The following ZEB2 variants were observed in gnomAD, a reference collection of about 807,000 sequenced individuals.
ZEB2 encodes the protein zinc finger E-box-binding homeobox 2.
Under a neutral mutation model 99.9 loss-of-function variants are expected in ZEB2, and 6 were observed. The ratio of observed to expected loss-of-function variants is 0.06; its 90% CI spans 0.03 to 0.12. The LOEUF (loss-of-function observed/expected upper bound fraction) is 0.12. ZEB2 is among the 10% of genes least tolerant of loss of function. The pLI is 1.00. For missense variants in ZEB2, 969 were observed against 1,502.8 expected, an observed-to-expected ratio of 0.64 and a Z score of 5.87; for synonymous variants, 517 against 542.5, an observed-to-expected ratio of 0.95 and a Z score of 0.65.
chr2:144,405,889 T>C (rs1703379787), intron 4 of ZEB2, among the ~76,000 whole-genome samples: 1 of 152,226 alleles, frequency 6.6e-6, no homozygotes, highest in Non-Finnish European at 1.5e-5. Flanking sequence ...GATGTGTTTC[T>C]GAAATAAGAT....
chr2:144,517,939 G>C (rs1254930860), intron 1 of ZEB2: 3 of 338,628 alleles, frequency 8.9e-6, no homozygotes, highest in Admixed American at 4.3e-5. Flanking sequence ...AAGCCCACTC[G>C]CCCAGCGCCC....
chr2:144,504,287 T>C (rs1704922453), intron 2 of ZEB2: 1 of 152,196 alleles, frequency 6.6e-6, no homozygotes, highest in Non-Finnish European at 1.5e-5. Flanking sequence ...TGAGCCCTAG[T>C]GGTAAGAATT....
intron 4 of ZEB2, among the ~76,000 whole-genome samples, chr2:144,419,001 TA>T (rs1024010021): frequency 6.6e-6 from 1 of 151,812 alleles, no homozygotes; most frequent in African/African-American, 2.4e-5. Flanking sequence ...AAAATAAAGT[TA>T]AAAAATAAAT....
chr2:144,492,257 T>C (rs1398108233), intron 2 of ZEB2, among the ~76,000 whole-genome samples: 4 of 152,182 alleles, frequency 2.6e-5, no homozygotes, highest in South Asian at 2.1e-4. Flanking sequence ...GAGTAGAAAA[T>C]AGCCCAATTT....
At chr2:144,475,555 G>A (rs1443221124) in intron 2 of ZEB2, among the ~76,000 whole-genome samples, 2 of 151,996 alleles carry the variant, frequency 1.3e-5, no homozygotes, top group African/African-American at 4.8e-5. Flanking sequence ...GCACATTGCT[G>A]TCAGGACACC....
intron 2 of ZEB2, among the ~76,000 whole-genome samples, chr2:144,478,779 C>T (rs1325253773): frequency 6.6e-6 from 1 of 152,208 alleles, no homozygotes; most frequent in Non-Finnish European, 1.5e-5. Flanking sequence ...AAGCTTAGAA[C>T]ACTCTATTTC....
intron 2 of ZEB2, chr2:144,511,556 T>A (rs1408551481): frequency 7.8e-7 from 1 of 1,279,626 alleles, no homozygotes; most frequent in South Asian, 1.3e-5. Flanking sequence ...TAAAAACTGC[T>A]TGATGAAGAA....
chr2:144,419,502 T>A (rs1030145637), intron 4 of ZEB2, among the ~76,000 whole-genome samples: 1 of 152,158 alleles, frequency 6.6e-6, no homozygotes, highest in Admixed American at 6.5e-5. Context: ...AGGGCCCTAT[T>A]TGGATATTGA....
intron 3 of ZEB2, 77 bp downstream of exon 3, chr2:144,429,692 C>T (rs574040189): frequency 2.7e-5 from 44 of 1,603,536 alleles, no homozygotes; most frequent in Admixed American, 8.4e-5. Context: ...TGGTTGTGGG[C>T]GATCTGCTAG....
chr2:144,427,885 C>T (rs1703709904), intron 3 of ZEB2: 1 of 152,166 alleles, frequency 6.6e-6, no homozygotes, highest in African/African-American at 2.4e-5. Flanking sequence ...CCATTAACTA[C>T]AGGTGATAAC....
intron 4 of ZEB2, among the ~76,000 whole-genome samples, chr2:144,422,889 A>G (rs1703639096): frequency 6.6e-6 from 1 of 152,166 alleles, no homozygotes; most frequent in South Asian, 2.1e-4. Flanking sequence ...ACATATTTTC[A>G]CTTATTCTTC....
At chr2:144,424,291 G>T (rs962745793) in intron 4 of ZEB2, 2 of 493,088 alleles carry the variant, frequency 4.1e-6, no homozygotes, top group Non-Finnish European at 8.0e-6. Flanking sequence ...GCTCAAGGAT[G>T]CAGAGAATTA....
intron 2 of ZEB2, among the ~76,000 whole-genome samples, chr2:144,492,565 A>G (rs554262005): frequency 6.6e-6 from 1 of 152,212 alleles, no homozygotes; most frequent in South Asian, 2.1e-4. Flanking sequence ...GAAAGTAGAA[A>G]CCAAATTTGA....
Position 144,517,406 on chromosome 2 carries a change from C to T in ZEB2, c.-56G>A, listed in dbSNP as rs752796756. The T allele has an allele frequency of 1.0e-5, 16 of 1,597,260 alleles. No individual in the cohort carries two copies. Among genetic ancestry groups the T allele is most frequent in the East Asian group, 2.2e-5 (1 of 44,740 alleles). On this transcript the variant is annotated 5_prime_UTR_variant, in exon 2 of 10. Transcript: ENST00000627532. ...TGGACTCGGCGCCCTGCTTCGGCAG[C>T]ACGCAGGCTCGATCTAGCAACCAAA...
chr2:144,409,323 G>A (rs1427116645), intron 4 of ZEB2, among the ~76,000 whole-genome samples: 2 of 152,174 alleles, frequency 1.3e-5, no homozygotes, highest in Admixed American at 6.5e-5. Context: ...CTGAAAGTTT[G>A]TATGTTTGTT....
At chr2:144,440,002 T>C (rs1331758594) in intron 2 of ZEB2, among the ~76,000 whole-genome samples, 1 of 152,230 alleles carries the variant, frequency 6.6e-6, no homozygotes, top group Non-Finnish European at 1.5e-5. Context: ...TATTAATTTT[T>C]TTTCTCTTCA....
chr2:144,457,522 T>C (rs1013105963), intron 2 of ZEB2, among the ~76,000 whole-genome samples: 4 of 152,090 alleles, frequency 2.6e-5, no homozygotes, highest in African/African-American at 9.7e-5. Context: ...TCTGGTTTAG[T>C]GGACATAACT....
intron 2 of ZEB2, among the ~76,000 whole-genome samples, chr2:144,508,179 C>T (rs1456035305): frequency 2.0e-5 from 3 of 152,174 alleles, no homozygotes; most frequent in Non-Finnish European, 4.4e-5. Flanking sequence ...GTGATGCTGG[C>T]GCTGCCCGGG....
At chr2:144,489,880 T>C (rs1704651678) in intron 2 of ZEB2, among the ~76,000 whole-genome samples, 1 of 152,220 alleles carries the variant, frequency 6.6e-6, no homozygotes, top group African/African-American at 2.4e-5. Flanking sequence ...GGAAATCTTT[T>C]CAGGACTGAT....
Sources: gnomAD v4.1 joint callset for allele counts (sites outside exome capture counted in the v4.1 genomes callset) on GRCh38, gnomAD v4.1.1 for gene constraint, MANE v1.5 for transcripts, NCBI Gene and HGNC (gene_info 2026-07-23, HGNC 2026-07-21) for gene names.